The following ERICH1 variants were observed in gnomAD, a reference collection of about 807,000 sequenced individuals.
ERICH1 encodes glutamate rich 1.
Under a neutral mutation model 39.6 loss-of-function variants are expected in ERICH1, and 56 were observed. That is an observed-to-expected ratio of 1.41 (90% CI 1.14 to 1.77). The LOEUF (loss-of-function observed/expected upper bound fraction) is 1.77, where lower values mean the gene tolerates loss of function less well. Ranked by LOEUF, ERICH1 falls within the 40% of genes most tolerant of loss-of-function variation. ERICH1 has a pLI of 0.00. For missense variants in ERICH1, 826 were observed against 575.4 expected, an observed-to-expected ratio of 1.44 and a Z score of -4.45; for synonymous variants, 313 against 223.6, an observed-to-expected ratio of 1.40 and a Z score of -3.57.
chr8:708,696 T>TTTTTTTTTTG lies in ERICH1; in HGVS notation c.169+7164_169+7165insCAAAAAAAAA, dbSNP rs1563319659. On this transcript the variant is annotated intron_variant, in intron 2 of 5. Transcript: ENST00000262109. ...GGGATAATGAGTTTTTTTTTTTTTT[T>TTTTTTTTTTG]TTTTTTTTTTTTTTTGAGACAGGGT... Among the ~76,000 whole-genome samples, 12 of 138,260 alleles carry TTTTTTTTTTG rather than the reference T, an allele frequency of 8.7e-5. 1 individual carries two copies. Among genetic ancestry groups the TTTTTTTTTTG allele is most frequent in the East Asian group, 2.1e-4 (1 of 4,690 alleles). 90.7% of individuals were successfully genotyped at this position (138,260 alleles called of 152,430 possible).
At chr8:708,486 G>C (rs537160180) in intron 2 of ERICH1, among the ~76,000 whole-genome samples, 2 of 152,164 alleles carry the variant, frequency 1.3e-5, no homozygotes, top group South Asian at 4.1e-4. Flanking sequence ...AGTTAGTTCT[G>C]ACCCATGCTA....
downstream of ERICH1, among the ~76,000 whole-genome samples, chr8:661,424 A>G (rs1423142852): frequency 6.6e-6 from 1 of 152,146 alleles, no homozygotes; most frequent in Non-Finnish European, 1.5e-5. Flanking sequence ...CCAGGGTGCA[A>G]GCAGTACTGA....
chr8:674,944 G>A (rs887915391), intron 3 of ERICH1, among the ~76,000 whole-genome samples: 11 of 152,148 alleles, frequency 7.2e-5, no homozygotes, highest in African/African-American at 2.4e-4. Context: ...TATTTCCCCC[G>A]TGGCCGATTT....
rs572706548 is a variant in ERICH1 at position 677,685 on chromosome 8, T to TA, written c.305-3639dup. On this transcript the variant is annotated intron_variant, in intron 3 of 5. Coordinates refer to ENST00000262109, the MANE Select transcript of ERICH1 (RefSeq NM_207332.3). The stretch of plus-strand genomic sequence containing the variant: ...TCCATTTTAATTTCCCAGGTTCTGT[T>TA]AAAAAAAGATGAAATTAAGCCTCTC... Among the ~76,000 whole-genome samples the TA allele has an allele frequency of 4.5e-4, 68 of 152,222 alleles. No individual in the cohort carries two copies. In the East Asian group the frequency reaches 0.012, roughly 27 times the overall value.
chr8:660,363 C>A (rs1295468811), downstream of ERICH1, among the ~76,000 whole-genome samples: 3 of 152,238 alleles, frequency 2.0e-5, no homozygotes, highest in African/African-American at 7.2e-5. Context: ...AAGAGGTTCT[C>A]CATACCAGAA....
At chr8:656,652 G>C (rs1800701263) in intron 3 of ERICH1, 2 of 768,190 alleles carry the variant, frequency 2.6e-6, no homozygotes, top group African/African-American at 3.8e-5. Context: ...GACAAGTGTG[G>C]AATTTTGGGG....
intron 2 of ERICH1, among the ~76,000 whole-genome samples, chr8:706,248 C>G (rs1430525270): frequency 1.3e-5 from 2 of 152,142 alleles, no homozygotes; most frequent in Admixed American, 1.3e-4. Flanking sequence ...AAATCCACAA[C>G]AAAAATGTAA....
At chr8:724,602 C>A (rs1198955380) in intron 1 of ERICH1, among the ~76,000 whole-genome samples, 3 of 152,170 alleles carry the variant, frequency 2.0e-5, no homozygotes, top group Non-Finnish European at 4.4e-5. Context: ...CTAAAACACG[C>A]TGAGAGGTCA....
intron 1 of ERICH1, among the ~76,000 whole-genome samples, chr8:723,067 C>T (rs545830261): frequency 2.6e-4 from 40 of 152,342 alleles, no homozygotes; most frequent in Non-Finnish European, 5.1e-4. Context: ...GTGGGAATGG[C>T]TTGGTGCCCA....
At chr8:685,711 C>A (rs1807178876) in intron 3 of ERICH1, among the ~76,000 whole-genome samples, 1 of 152,208 alleles carries the variant, frequency 6.6e-6, no homozygotes, top group Non-Finnish European at 1.5e-5. Context: ...TGACTTCCTG[C>A]AATAGGGGCA....
chr8:695,155 TGCTCCTGGCAGCCGACAGCTATGGAGG>T (rs1211432840), intron 2 of ERICH1, among the ~76,000 whole-genome samples: 1 of 152,038 alleles, frequency 6.6e-6, no homozygotes, highest in Non-Finnish European at 1.5e-5. Context: ...TCCTCTGGGC[TGCTCCTGGCAGCCGACAGCTATGGAGG>T]GGCTCACAGC....
chr8:657,941 C>T (rs1800876564), intron 3 of ERICH1, among the ~76,000 whole-genome samples: 2 of 152,092 alleles, frequency 1.3e-5, no homozygotes, highest in African/African-American at 2.4e-5. Context: ...GACTGGCTGG[C>T]GTTTCCTTTG....
chr8:663,427 G>C (rs1174305093), downstream of ERICH1, among the ~76,000 whole-genome samples: 1 of 152,194 alleles, frequency 6.6e-6, no homozygotes, highest in African/African-American at 2.4e-5. Flanking sequence ...CACCCCCTCA[G>C]AACATCACCG....
chr8:700,860 T>C (rs1012566259), intron 2 of ERICH1, among the ~76,000 whole-genome samples: 1 of 152,220 alleles, frequency 6.6e-6, no homozygotes, highest in African/African-American at 2.4e-5. Context: ...AAAACTCTCC[T>C]GAAAAATACT....
chr8:687,614 G>A (rs550470414), intron 3 of ERICH1, among the ~76,000 whole-genome samples: 2 of 152,318 alleles, frequency 1.3e-5, no homozygotes, highest in African/African-American at 2.4e-5. Flanking sequence ...GCGGGTCCCT[G>A]TGGAGCGCAG....
intron 3 of ERICH1, among the ~76,000 whole-genome samples, chr8:677,959 C>T (rs1223072408): frequency 6.6e-6 from 1 of 152,104 alleles, no homozygotes; most frequent in East Asian, 1.9e-4. Flanking sequence ...AGCTTCCCCT[C>T]CTAAGACTAC....
chr8:634,265 G>A (rs1177415791), intron 3 of ERICH1, among the ~76,000 whole-genome samples: 6 of 151,808 alleles, frequency 4.0e-5, no homozygotes, highest in Admixed American at 3.9e-4. Context: ...ACAAGTAGCT[G>A]ATAAATCCAC....
In ERICH1 at chr8:634,183, A is replaced by AAAAAACAAACAAACAAAAAACAAAC. The variant is rs1554481909; in HGVS notation, c.977-18900_977-18899insGTTTGTTTTTTGTTTGTTTGTTTTT. Among the ~76,000 whole-genome samples the AAAAAACAAACAAACAAAAAACAAAC allele has an allele frequency of 5.6e-3, 757 of 135,656 alleles. 6 individuals are homozygous for AAAAAACAAACAAACAAAAAACAAAC. Among genetic ancestry groups the AAAAAACAAACAAACAAAAAACAAAC allele is most frequent in the African/African-American group, 0.021 (706 of 34,178 alleles). 89.0% of individuals were successfully genotyped at this position (135,656 alleles called of 152,430 possible). On this transcript the variant is annotated intron_variant, in intron 3 of 3. Transcript: ENST00000522706. ...TCCTAAAACTCAAAAAAAAAAAAAAAAAACAAACAAAAAAAACCCTGATTC... is the reference window on the plus strand; with the variant it reads ...TCCTAAAACTCAAAAAAAAAAAAAAAAAAAACAAACAAACAAAAAACAAACAAACAAACAAAAAAAACCCTGATTC...
At chr8:681,318 T>A (rs558510329) in intron 3 of ERICH1, among the ~76,000 whole-genome samples, 3 of 152,304 alleles carry the variant, frequency 2.0e-5, no homozygotes, top group African/African-American at 7.2e-5. Flanking sequence ...AAATAGCTTA[T>A]AATCTAGCTC....
Sources: allele counts gnomAD v4.1 joint callset (sites outside exome capture counted in the v4.1 genomes callset), GRCh38; gene constraint gnomAD v4.1.1; transcripts MANE v1.5; gene names NCBI Gene and HGNC (gene_info 2026-07-23, HGNC 2026-07-21).